Variants in GABRR2 observed in about 807,000 individuals in gnomAD.
GABRR2 encodes the protein gamma-aminobutyric acid type A receptor subunit rho2, also known as gamma-aminobutyric acid receptor subunit rho-2.
GABRR2 carries 36 observed loss-of-function variants against 47.0 expected under a neutral mutation model. That is an observed-to-expected ratio of 0.77 (90% CI 0.59 to 1.01). The LOEUF (loss-of-function observed/expected upper bound fraction) is 1.01. Ranked by LOEUF, GABRR2 falls within the 50% of genes least tolerant of loss-of-function variation. The pLI, the probability that GABRR2 is intolerant of heterozygous loss-of-function variation, is 0.00. For missense variants in GABRR2, 587 were observed against 594.6 expected, an observed-to-expected ratio of 0.99 and a Z score of 0.13; for synonymous variants, 204 against 227.5, an observed-to-expected ratio of 0.90 and a Z score of 0.93.
chr6:89,292,839 A>T (rs1397538569), intron 2 of GABRR2, among the ~76,000 whole-genome samples: 2 of 140,076 alleles, frequency 1.4e-5, no homozygotes, highest in African/African-American at 5.2e-5. Flanking sequence ...CGTATATACG[A>T]TATATCGTAT....
At chr6:89,293,359 G>A (rs531655540) in intron 2 of GABRR2, among the ~76,000 whole-genome samples, 1 of 152,284 alleles carries the variant, frequency 6.6e-6, no homozygotes, top group South Asian at 2.1e-4. Flanking sequence ...GATGAAAAAA[G>A]TTCTGGAGAT....
At position 89,269,125 on chromosome 6, in the gene GABRR2, A is replaced by G. The variant is rs763695466; in HGVS notation, c.398T>C (p.Ile133Thr). 7.4e-6 allele frequency: 12 copies of G among 1,613,880 alleles called. No individual in the cohort carries two copies. The South Asian group carries it at 1.3e-4, about 18-fold the overall frequency. The change falls in exon 4 of 9, where the codon ATC (isoleucine) becomes ACC (threonine). Residue 133 changes from isoleucine to threonine, a missense_variant. Physicochemically the swap from Ile to Thr is moderately conservative, Grantham distance 89 (BLOSUM62 -1). Coordinates refer to ENST00000402938, the MANE Select transcript of GABRR2 (RefSeq NM_002043.5). ...MTFDGRLVKK[I>T]WVPDVFFVHS... ...AACAAAGAAGACATCAGGGACCCAG[A>G]TCTTCTTCACCAGCCGGCCATCGAA...
In GABRR2 at chr6:89,259,499, T is replaced by G. The variant is rs573752476; in HGVS notation, c.1087-1518A>C. On this transcript the variant is annotated intron_variant, in intron 8 of 8. Transcript: ENST00000402938. ...TTTCCATCAGTAACACTTCTTTTTT[T>G]TTGTTTTGTTTTTTTTGTTTTTGAG... Among the ~76,000 whole-genome samples, 5 of 139,456 alleles carry G rather than the reference T, an allele frequency of 3.6e-5. No individual in the cohort carries two copies. The East Asian group carries it at 7.9e-4, about 22-fold the overall frequency. The allele number at this position is 139,456 out of a possible 152,430, so 91.5% of individuals were successfully genotyped here.
chr6:89,304,597 G>GA lies in GABRR2; in HGVS notation c.114-4733dup, dbSNP rs1227062781. Among the ~76,000 whole-genome samples the GA allele has an allele frequency of 9.3e-3, 881 of 94,612 alleles. 6 individuals carry two copies. Among genetic ancestry groups the GA allele is most frequent in the African/African-American group, 0.026 (662 of 25,274 alleles). The allele number at this position is 94,612 out of a possible 152,430, so 62.1% of individuals were successfully genotyped here. A position where few individuals can be genotyped will look rare whatever the true frequency, so the allele number is the denominator to read the frequency against. On this transcript the variant is annotated intron_variant, in intron 1 of 8. Transcript: ENST00000402938. ...GAGTGAGACTCCATCTCAAAAAAAA[G>GA]AAAAAAAAAAAAAGAAAAAAAGTGG...
intron 1 of GABRR2, chr6:89,302,745 G>A (rs892902182): frequency 6.4e-6 from 9 of 1,416,820 alleles, no homozygotes; most frequent in South Asian, 2.3e-5. Context: ...GGAGGTGGAC[G>A]AGCAGATGCT....
intron 3 of GABRR2, among the ~76,000 whole-genome samples, chr6:89,270,686 G>A (rs1010174097): frequency 3.3e-5 from 5 of 152,188 alleles, no homozygotes; most frequent in Admixed American, 6.5e-5. Flanking sequence ...AGCAAGGGGC[G>A]TTCCCACTCT....
In GABRR2 at chr6:89,264,614, A is replaced by G; in HGVS notation, c.890-6T>C. The G allele has an allele frequency of 6.2e-7, 1 of 1,613,900 alleles. No individual in the cohort carries two copies. Among genetic ancestry groups the G allele is most frequent in the South Asian group, 1.1e-5 (1 of 91,068 alleles). Reference sequence around the variant, plus strand: ...GGTCAGCACCGTCGTGATACCTGCAACACCCGGCCTTAGTTGGGCTGCTGA... The same window carrying G: ...GGTCAGCACCGTCGTGATACCTGCAGCACCCGGCCTTAGTTGGGCTGCTGA... On this transcript the variant is annotated splice_polypyrimidine_tract_variant and splice_region_variant and intron_variant, in intron 7 of 8. Transcript: ENST00000402938.
chr6:89,313,229 A>G (rs1250965273), intron 1 of GABRR2, among the ~76,000 whole-genome samples: 1 of 152,196 alleles, frequency 6.6e-6, no homozygotes, highest in Non-Finnish European at 1.5e-5. Flanking sequence ...TGTGTGCTCC[A>G]TGGAGTAGGA....
chr6:89,301,792 A>AT, intron 1 of GABRR2: 1 of 820,854 alleles, frequency 1.2e-6, no homozygotes. Flanking sequence ...TATGAGGGAG[A>AT]TCCTGCACAT....
intron 8 of GABRR2, among the ~76,000 whole-genome samples, chr6:89,259,729 C>T (rs1773698768): frequency 6.6e-6 from 1 of 151,944 alleles, no homozygotes; most frequent in South Asian, 2.1e-4. Context: ...GTCTCGAACT[C>T]CTGACCTCAA....
chr6:89,290,048 G>A (rs1774410186), intron 2 of GABRR2, among the ~76,000 whole-genome samples: 1 of 152,180 alleles, frequency 6.6e-6, no homozygotes, highest in Non-Finnish European at 1.5e-5. Context: ...AACAAACAGT[G>A]CCAAGTAGCG....
At chr6:89,287,486 G>C (rs549369054) in intron 2 of GABRR2, among the ~76,000 whole-genome samples, 3 of 152,316 alleles carry the variant, frequency 2.0e-5, no homozygotes, top group East Asian at 3.9e-4. Context: ...TCAGGAACAG[G>C]GCCCGTGTCT....
chr6:89,311,771 C>T (rs552090442), intron 1 of GABRR2, among the ~76,000 whole-genome samples: 9 of 152,336 alleles, frequency 5.9e-5, no homozygotes, highest in African/African-American at 1.9e-4. Flanking sequence ...CCCATCTTCA[C>T]ATCATCCCCA....
chr6:89,300,360 A>C (rs1774644750), intron 1 of GABRR2, among the ~76,000 whole-genome samples: 1 of 152,054 alleles, frequency 6.6e-6, no homozygotes, highest in Admixed American at 6.6e-5. Flanking sequence ...AAATACAAAA[A>C]TTAGCTGGGC....
intron 2 of GABRR2, among the ~76,000 whole-genome samples, chr6:89,273,486 C>T (rs1159671841): frequency 5.3e-5 from 8 of 152,222 alleles, no homozygotes; most frequent in African/African-American, 1.4e-4. Context: ...CCGCCCGCCT[C>T]GGCCTCCCAA....
chr6:89,288,056 A>AT (rs1288022353), intron 2 of GABRR2, among the ~76,000 whole-genome samples: 2 of 152,068 alleles, frequency 1.3e-5, no homozygotes, highest in African/African-American at 2.4e-5. Flanking sequence ...ATCTCTGCAA[A>AT]TTTTTTAACA....
intron 1 of GABRR2, among the ~76,000 whole-genome samples, chr6:89,306,072 T>C (rs538473352): frequency 3.1e-5 from 4 of 131,066 alleles, no homozygotes; most frequent in African/African-American, 1.3e-4. Flanking sequence ...TGGAAGATCA[T>C]GATTTTTTTT....
At chr6:89,300,607 A>C (rs1313397765) in intron 1 of GABRR2, among the ~76,000 whole-genome samples, 2 of 152,014 alleles carry the variant, frequency 1.3e-5, no homozygotes, top group African/African-American at 2.4e-5. Flanking sequence ...AAACTAGAAA[A>C]CCTAGAAGAG....
At chr6:89,269,751 AAGCAC>A (rs1774005061) in intron 3 of GABRR2, among the ~76,000 whole-genome samples, 1 of 152,220 alleles carries the variant, frequency 6.6e-6, no homozygotes, top group African/African-American at 2.4e-5. Flanking sequence ...GTGCCTGGCA[AAGCAC>A]AGAGTAGATG....
Sources: gnomAD v4.1 joint callset for allele counts (sites outside exome capture counted in the v4.1 genomes callset) on GRCh38, gnomAD v4.1.1 for gene constraint, MANE v1.5 for transcripts, NCBI Gene and HGNC (gene_info 2026-07-23, HGNC 2026-07-21) for gene names.